Variants in PTPRD observed in about 807,000 individuals in gnomAD.
PTPRD encodes receptor-type tyrosine-protein phosphatase delta.
In PTPRD, 34 loss-of-function variants were observed where a neutral mutation model predicts 214.5. The observed-to-expected ratio is 0.16, with a 90% confidence interval of 0.12 to 0.21. The LOEUF is 0.21. Among genes scored for constraint, PTPRD ranks in the 10% least tolerant of loss-of-function variants. The pLI is 1.00. For synonymous variants in PTPRD, 1,128 were observed against 845.7 expected (o/e 1.33, Z -5.79); for missense variants, 2,545 against 2,398.7 (o/e 1.06, Z -1.27).
rs372760554 is a variant in PTPRD, at chr9:9,748,616, A to T, written c.-325-14045T>A. ...CTGAGGTACTGAAGGAACTACAACC[A>T]ATTTCAATGACTGATAGCTGCTGAA... On this transcript the variant is annotated intron_variant, in intron 6 of 45. Coordinates refer to ENST00000381196, the MANE Select transcript of PTPRD (RefSeq NM_002839.4). Among the ~76,000 whole-genome samples, 193 of 152,320 alleles carry T rather than the reference A, an allele frequency of 1.3e-3. 1 individual carries two copies. Among genetic ancestry groups the T allele is most frequent in the African/African-American group, 4.3e-3 (179 of 41,576 alleles).
chr9:9,205,946 T>C lies in PTPRD; in HGVS notation c.-202-22583A>G, dbSNP rs139980525. On this transcript the variant is annotated intron_variant, in intron 9 of 45. Transcript: ENST00000381196. ...TGAAGGGGAGAGCATGATACTGGGA[T>C]GTAGTGAGTATAGCAGAGGGTGGGG... is the stretch of plus-strand genomic sequence containing the variant. 2.4e-3 allele frequency among the ~76,000 whole-genome samples: 361 copies of C among 152,292 alleles called. 1 individual carries two copies. The highest frequency in any genetic ancestry group is 7.5e-3 in the African/African-American group (313 of 41,558).
At chr9:9,406,725 G>C (rs2073549061) in intron 8 of PTPRD, among the ~76,000 whole-genome samples, 1 of 151,774 alleles carries the variant, frequency 6.6e-6, no homozygotes, top group Non-Finnish European at 1.5e-5. Context: ...AAAGTTGGAT[G>C]CTTGAGGAAA....
intron 9 of PTPRD, among the ~76,000 whole-genome samples, chr9:9,205,630 A>G (rs1205151130): frequency 1.3e-5 from 2 of 152,180 alleles, no homozygotes; most frequent in East Asian, 3.8e-4. Context: ...CATACATTTT[A>G]TATCTTTTTT....
chr9:8,725,427 G>C (rs1395994590), intron 12 of PTPRD, among the ~76,000 whole-genome samples: 1 of 152,052 alleles, frequency 6.6e-6, no homozygotes, highest in South Asian at 2.1e-4. Flanking sequence ...ATTTATTAAT[G>C]GGACTGTGAA....
intron 31 of PTPRD, among the ~76,000 whole-genome samples, chr9:8,469,350 G>A (rs944380758): frequency 6.6e-6 from 1 of 151,988 alleles, no homozygotes; most frequent in Non-Finnish European, 1.5e-5. Flanking sequence ...AAAACTATTT[G>A]ATGTCATTCT....
At chr9:9,876,576 T>A (rs1312369001) in intron 5 of PTPRD, among the ~76,000 whole-genome samples, 1 of 152,312 alleles carries the variant, frequency 6.6e-6, no homozygotes, top group East Asian at 1.9e-4. Context: ...AAGACAAATA[T>A]GAGATCATTA....
At chr9:8,768,370 G>A (rs1599177438) in intron 11 of PTPRD, among the ~76,000 whole-genome samples, 2 of 152,248 alleles carry the variant, frequency 1.3e-5, no homozygotes, top group Admixed American at 1.3e-4. Context: ...GAGCAACATG[G>A]CAAAACCTTG....
chr9:10,248,231 G>T (rs1241975901), intron 3 of PTPRD, among the ~76,000 whole-genome samples: 1 of 152,096 alleles, frequency 6.6e-6, no homozygotes. Context: ...AAGGGTTAAA[G>T]TGTCAAGAGG....
intron 9 of PTPRD, among the ~76,000 whole-genome samples, chr9:9,324,494 AG>A (rs1569567370): frequency 2.0e-5 from 3 of 151,248 alleles, no homozygotes; most frequent in Non-Finnish European, 4.4e-5. Context: ...TCTTCTTTTG[AG>A]AAGTGTCTGT....
intron 8 of PTPRD, among the ~76,000 whole-genome samples, chr9:9,508,955 G>A (rs947806673): frequency 3.3e-5 from 5 of 151,398 alleles, no homozygotes; most frequent in African/African-American, 7.3e-5. Context: ...ATGTTACTGC[G>A]TTCGCTAAAT....
chr9:9,968,458 A>G lies in PTPRD; in HGVS notation c.-471-29848T>C, dbSNP rs117386602. On this transcript the variant is annotated intron_variant, in intron 4 of 45. Coordinates refer to ENST00000381196, the MANE Select transcript of PTPRD (RefSeq NM_002839.4). Reference sequence around the variant, plus strand: ...AGAAAATATATTTGCATATCTAATTATAACCATTCAAATTAGCTATAAAGA... The same window carrying G: ...AGAAAATATATTTGCATATCTAATTGTAACCATTCAAATTAGCTATAAAGA... Among the ~76,000 whole-genome samples, 561 of 152,374 alleles carry G rather than the reference A, an allele frequency of 3.7e-3. 1 individual carries two copies. The highest frequency in any genetic ancestry group is 6.5e-3 in the Non-Finnish European group (441 of 68,036).
chr9:9,046,554 T>C (rs1457694206), intron 10 of PTPRD, among the ~76,000 whole-genome samples: 6 of 152,218 alleles, frequency 3.9e-5, no homozygotes, highest in African/African-American at 1.4e-4. Flanking sequence ...CGTCTTCCTA[T>C]TCCTTTTATT....
intron 3 of PTPRD, among the ~76,000 whole-genome samples, chr9:10,261,014 ATG>A (rs1426655861): frequency 2.1e-5 from 3 of 146,198 alleles, no homozygotes; most frequent in Admixed American, 6.9e-5. Context: ...ATATGTATAT[ATG>A]TGTGTATATA....
intron 11 of PTPRD, among the ~76,000 whole-genome samples, chr9:8,865,917 A>G (rs1341355971): frequency 1.3e-5 from 2 of 152,204 alleles, no homozygotes; most frequent in African/African-American, 4.8e-5. Context: ...GGAACTTTTG[A>G]TGAGAATGAT....
At chr9:9,497,121 T>C (rs908002124) in intron 8 of PTPRD, among the ~76,000 whole-genome samples, 5 of 152,120 alleles carry the variant, frequency 3.3e-5, no homozygotes, top group Admixed American at 2.0e-4. Context: ...TTGTTCAATG[T>C]GTATGGAGTT....
intron 3 of PTPRD, among the ~76,000 whole-genome samples, chr9:10,094,046 T>C (rs537581115): frequency 6.6e-6 from 1 of 151,328 alleles, no homozygotes; most frequent in Non-Finnish European, 1.5e-5. Flanking sequence ...TCATGCAATA[T>C]ATCCACATAA....
chr9:9,826,795 C>T (rs1264610566), intron 5 of PTPRD, among the ~76,000 whole-genome samples: 1 of 152,062 alleles, frequency 6.6e-6, no homozygotes, highest in African/African-American at 2.4e-5. Flanking sequence ...AGCTAATAAG[C>T]AACTTCAGCA....
intron 11 of PTPRD, among the ~76,000 whole-genome samples, chr9:8,773,826 G>C (rs1429062084): frequency 6.6e-6 from 1 of 152,112 alleles, no homozygotes; most frequent in African/African-American, 2.4e-5. Context: ...CATTACACTT[G>C]CACATGCTGT....
intron 11 of PTPRD, among the ~76,000 whole-genome samples, chr9:8,881,594 C>G (rs535441974): frequency 6.6e-6 from 1 of 152,104 alleles, no homozygotes; most frequent in East Asian, 1.9e-4. Context: ...GACAACTAAC[C>G]ATAATTCAAC....
Sources: gnomAD v4.1 joint callset for allele counts (sites outside exome capture counted in the v4.1 genomes callset) on GRCh38, gnomAD v4.1.1 for gene constraint, MANE v1.5 for transcripts, NCBI Gene and HGNC (gene_info 2026-07-23, HGNC 2026-07-21) for gene names.